The following PKHD1 variants were observed in gnomAD, a reference collection of about 807,000 sequenced individuals.
PKHD1 encodes the protein fibrocystin.
In PKHD1, 291 loss-of-function variants were observed where a neutral mutation model predicts 412.0. The observed-to-expected ratio is 0.71, with a 90% CI of 0.64 to 0.78. The LOEUF (loss-of-function observed/expected upper bound fraction) is 0.78. Among genes scored for constraint, PKHD1 ranks in the 30% least tolerant of loss-of-function variants. The pLI is 0.00. For synonymous variants in PKHD1, 1,777 were observed against 1,821.5 expected (o/e 0.98, Z 0.62); for missense variants, 4,825 against 4,950.7 (o/e 0.97, Z 0.76).
At chr6:51,709,849 A>ATTTT (rs10636108) in intron 60 of PKHD1, among the ~76,000 whole-genome samples, 3,740 of 142,312 alleles carry the variant, frequency 0.026, 178 homozygotes, top group African/African-American at 0.087. Flanking sequence ...TGCTTTAGTC[A>ATTTT]TTTTTTTTTT....
chr6:51,631,111 G>C (rs1229692956), intron 65 of PKHD1, among the ~76,000 whole-genome samples: 1 of 152,134 alleles, frequency 6.6e-6, no homozygotes, highest in Non-Finnish European at 1.5e-5. Flanking sequence ...AGACCTTAGG[G>C]AGAGACCCCT....
intron 46 of PKHD1, among the ~76,000 whole-genome samples, chr6:51,870,931 AT>A (rs1022942483): frequency 8.5e-5 from 13 of 152,144 alleles, no homozygotes; most frequent in Non-Finnish European, 1.5e-4. Flanking sequence ...GAAAAAAAAA[AT>A]GTTCAACATC....
intron 60 of PKHD1, among the ~76,000 whole-genome samples, chr6:51,707,948 G>A (rs73442818): frequency 0.033 from 5,018 of 152,064 alleles, 212 homozygotes; most frequent in African/African-American, 0.096. Flanking sequence ...CTTCAACATT[G>A]GGGGGCTCTT....
intron 43 of PKHD1, among the ~76,000 whole-genome samples, chr6:51,890,212 G>A (rs1012424944): frequency 1.3e-5 from 2 of 152,086 alleles, no homozygotes; most frequent in African/African-American, 4.8e-5. Context: ...CAAAGTCACA[G>A]AGCAAATAGT....
chr6:52,048,048 G>C (rs1379414258), intron 23 of PKHD1, among the ~76,000 whole-genome samples: 2 of 152,236 alleles, frequency 1.3e-5, no homozygotes, highest in Non-Finnish European at 2.9e-5. Flanking sequence ...AGAGGCGGTG[G>C]TTGGAGTGAT....
chr6:51,700,382 C>T (rs1168055191), intron 60 of PKHD1, among the ~76,000 whole-genome samples: 1 of 152,042 alleles, frequency 6.6e-6, no homozygotes, highest in Non-Finnish European at 1.5e-5. Flanking sequence ...CCTCACCAAG[C>T]TCAATCTCCT....
rs369093047 is a variant in PKHD1 at position 52,065,133 on chromosome 6, TTATATATA to T, written c.881-91_881-84del. ...TATATGTGTGTGGGTATATGTATAA[TTATATATA>T]TATATATATATATATATATATATAT... is the stretch of plus-strand genomic sequence containing the variant. On this transcript the variant is annotated intron_variant, in intron 12 of 66. Coordinates refer to ENST00000371117, the MANE Select transcript of PKHD1 (RefSeq NM_138694.4). 1.9e-3 allele frequency: 247 copies of T among 132,178 alleles called. 1 individual carries two copies. Among genetic ancestry groups the T allele is most frequent in the African/African-American group, 1.9e-3 (31 of 15,954 alleles). 8.2% of individuals were successfully genotyped at this position (132,178 alleles called of 1,614,324 possible). A position where few individuals can be genotyped will look rare whatever the true frequency, so the allele number is the denominator to read the frequency against.
chr6:51,858,297 C>A (rs1773621339), intron 48 of PKHD1, among the ~76,000 whole-genome samples: 1 of 152,188 alleles, frequency 6.6e-6, no homozygotes, highest in Non-Finnish European at 1.5e-5. Context: ...CATTTGCGCT[C>A]AGTCATCATG....
intron 60 of PKHD1, among the ~76,000 whole-genome samples, chr6:51,722,230 G>A (rs1052070414): frequency 6.6e-6 from 1 of 152,126 alleles, no homozygotes; most frequent in Non-Finnish European, 1.5e-5. Flanking sequence ...GGAGCTCTCA[G>A]AGTACAGATT....
rs149147435 is a variant in PKHD1, at chr6:52,053,241, C to T, written c.1975G>A (p.Asp659Asn). Reference sequence around the variant, plus strand: ...CAAGTCTCCCAGAGGTCAGTGCAATCGAACTGCCAGCTGAAAAACAGCATG... The same window carrying T: ...CAAGTCTCCCAGAGGTCAGTGCAATTGAACTGCCAGCTGAAAAACAGCATG... ...TRTSPESWQF[D>N]CTDLWETCVR... Residue 659 changes from aspartate (D) to asparagine (N), a missense_variant, in exon 21 of 67, where the codon GAT becomes AAT. Physicochemically the swap from Asp to Asn is conservative, Grantham distance 23. Coordinates refer to ENST00000371117, the MANE Select transcript of PKHD1 (RefSeq NM_138694.4). 28 of 1,614,000 alleles carry T rather than the reference C, an allele frequency of 1.7e-5. No homozygotes were observed. The highest frequency in any genetic ancestry group is 2.2e-5 in the South Asian group (2 of 91,054).
At chr6:51,797,393 G>A (rs536444836) in intron 52 of PKHD1, among the ~76,000 whole-genome samples, 1 of 152,248 alleles carries the variant, frequency 6.6e-6, no homozygotes, top group African/African-American at 2.4e-5. Flanking sequence ...AATATTGTCA[G>A]TGGGGTGTTA....
chr6:52,018,851 T>C (rs1310277434), intron 33 of PKHD1, among the ~76,000 whole-genome samples: 1 of 152,252 alleles, frequency 6.6e-6, no homozygotes, highest in African/African-American at 2.4e-5. Context: ...TAACAACTCA[T>C]GTTTTCTCTT....
At chr6:51,822,565 C>T (rs1056717182) in intron 52 of PKHD1, among the ~76,000 whole-genome samples, 1 of 152,144 alleles carries the variant, frequency 6.6e-6, no homozygotes, top group Non-Finnish European at 1.5e-5. Context: ...GTCCTAACCC[C>T]CATTCAATAC....
intron 43 of PKHD1, among the ~76,000 whole-genome samples, chr6:51,901,690 TAAA>T (rs11331045): frequency 5.1e-5 from 7 of 138,268 alleles, no homozygotes; most frequent in Admixed American, 1.4e-4. Context: ...AAAAAAAACT[TAAA>T]AAAAAAAAAA....
chr6:51,995,357 C>A (rs1188489101), intron 35 of PKHD1, among the ~76,000 whole-genome samples: 1 of 152,242 alleles, frequency 6.6e-6, no homozygotes, highest in Non-Finnish European at 1.5e-5. Context: ...TGAATTAAAT[C>A]TACACTCCTT....
At chr6:51,780,305 G>C (rs1168504399) in intron 53 of PKHD1, among the ~76,000 whole-genome samples, 4 of 151,838 alleles carry the variant, frequency 2.6e-5, no homozygotes, top group African/African-American at 7.3e-5. Context: ...AGAATAGCTT[G>C]AATCCCAGTT....
chr6:51,939,660 T>C lies in PKHD1; in HGVS notation c.5909-5338A>G, dbSNP rs557283656. 3.3e-5 allele frequency among the ~76,000 whole-genome samples: 5 copies of C among 151,674 alleles called. No homozygotes were observed. The South Asian group carries it at 1.0e-3, about 31-fold the overall frequency. On this transcript the variant is annotated intron_variant, in intron 36 of 66. Coordinates refer to ENST00000371117, the MANE Select transcript of PKHD1 (RefSeq NM_138694.4). Reference sequence around the variant, plus strand: ...GAGATGCCTGACGTCCAGACATTCTTTTACACATTGTTTCCTCCCTAGTCT... The same window carrying C: ...GAGATGCCTGACGTCCAGACATTCTCTTACACATTGTTTCCTCCCTAGTCT...
rs1334823914 is a variant in PKHD1, at chr6:52,043,686, G to A, written c.2760C>T (p.Ser920=). 8 of 1,613,520 alleles carry A rather than the reference G, an allele frequency of 5.0e-6. No homozygotes were observed. The highest frequency in any genetic ancestry group is 1.3e-5 in the African/African-American group (1 of 74,878). ...VNDVPAHCPG[S]CSFQYLQGST... ...ACCCTTGGAGGTACTGGAAAGAGCA[G>A]GAACCTGGGCAATGAGCTGGTACAT... The change falls in exon 26 of 67, where the codon TCC becomes TCT. Residue 920 remains serine, a synonymous_variant. Transcript: ENST00000371117.
chr6:51,690,741 G>C (rs1477942098), intron 60 of PKHD1, among the ~76,000 whole-genome samples: 1 of 152,078 alleles, frequency 6.6e-6, no homozygotes, highest in Non-Finnish European at 1.5e-5. Flanking sequence ...ATACCATTCA[G>C]GACACAGGCA....
Sources: allele counts gnomAD v4.1 joint callset (sites outside exome capture counted in the v4.1 genomes callset), GRCh38; gene constraint gnomAD v4.1.1; transcripts MANE v1.5; gene names NCBI Gene and HGNC (gene_info 2026-07-23, HGNC 2026-07-21).